The following USP13 variants were observed in gnomAD, a reference collection of about 807,000 sequenced individuals.
USP13 encodes ubiquitin carboxyl-terminal hydrolase 13.
Under a neutral mutation model 107.8 loss-of-function variants are expected in USP13, and 68 were observed. That is an observed-to-expected ratio of 0.63 (90% CI 0.52 to 0.77). USP13 has a LOEUF of 0.77. USP13 is among the 30% of genes least tolerant of loss of function. USP13 has a pLI of 0.00. For missense variants in USP13, 945 were observed against 1,093.3 expected, an observed-to-expected ratio of 0.86 and a Z score of 1.91; for synonymous variants, 377 against 389.5, an observed-to-expected ratio of 0.97 and a Z score of 0.38.
chr3:179,710,457 C>T (rs917414867), intron 6 of USP13, among the ~76,000 whole-genome samples: 17 of 152,178 alleles, frequency 1.1e-4, no homozygotes, highest in Non-Finnish European at 1.8e-4. Flanking sequence ...AAATTCAGTT[C>T]TCAGAACAGC....
At chr3:179,743,409 A>G (rs1714274132) in intron 12 of USP13, among the ~76,000 whole-genome samples, 1 of 151,788 alleles carries the variant, frequency 6.6e-6, no homozygotes, top group South Asian at 2.1e-4. Context: ...TAAAGAAAAA[A>G]AAATTCAGCG....
At chr3:179,774,704 A>T (rs888402733) in intron 19 of USP13, among the ~76,000 whole-genome samples, 1 of 152,166 alleles carries the variant, frequency 6.6e-6, no homozygotes, top group Non-Finnish European at 1.5e-5. Context: ...CACAGTTTGG[A>T]AGGGGACCCA....
rs114012075 is a variant in USP13, at chr3:179,784,288, C to T, written c.*147C>T. ...ATTTAAAGAGCACGATCAGTTGACACCTTCTGAAATAGAACTGAGAAGAAA... is the reference window on the plus strand; with the variant it reads ...ATTTAAAGAGCACGATCAGTTGACATCTTCTGAAATAGAACTGAGAAGAAA... On this transcript the variant is annotated 3_prime_UTR_variant, in exon 21 of 21. Transcript: ENST00000263966. 6.8e-5 allele frequency: 41 copies of T among 599,180 alleles called. No individual in the cohort carries two copies. In the African/African-American group the frequency reaches 6.9e-4, roughly 10 times the overall value. 37.1% of individuals were successfully genotyped at this position (599,180 alleles called of 1,614,324 possible). A position where few individuals can be genotyped will look rare whatever the true frequency, so the allele number is the denominator to read the frequency against.
At chr3:179,672,279 T>C (rs1323166790) in intron 1 of USP13, among the ~76,000 whole-genome samples, 2 of 152,218 alleles carry the variant, frequency 1.3e-5, no homozygotes, top group East Asian at 3.8e-4. Flanking sequence ...CAATACAAAG[T>C]AGCAAATGAA....
At chr3:179,747,012 A>G (rs1019070971) in intron 13 of USP13, among the ~76,000 whole-genome samples, 14 of 152,260 alleles carry the variant, frequency 9.2e-5, no homozygotes, top group Non-Finnish European at 1.5e-4. Context: ...AATTATTTTT[A>G]AAAAGCTCCC....
At chr3:179,732,150 G>T (rs1713830475) in intron 10 of USP13, among the ~76,000 whole-genome samples, 1 of 152,168 alleles carries the variant, frequency 6.6e-6, no homozygotes, top group Non-Finnish European at 1.5e-5. Flanking sequence ...TTCTCAAGTT[G>T]CATTGTTACC....
At chr3:179,781,531 A>G (rs537336192) in intron 19 of USP13, among the ~76,000 whole-genome samples, 3 of 123,934 alleles carry the variant, frequency 2.4e-5, no homozygotes, top group East Asian at 4.1e-4. Flanking sequence ...TTGATAATTT[A>G]TGTCCTATTT....
rs370351919 is a variant in USP13 at position 179,708,987 on chromosome 3, A to G, written c.805+30A>G. ...GTGCGCCTTTACCGACTTTGGGAAC[A>G]TGCAGTGGCTTCCTCTTAGATTTAA... is the stretch of plus-strand genomic sequence containing the variant. On this transcript the variant is annotated intron_variant, in intron 6 of 20. Coordinates refer to ENST00000263966, the MANE Select transcript of USP13 (RefSeq NM_003940.3). The G allele has an allele frequency of 7.5e-6, 12 of 1,604,164 alleles. No individual in the cohort carries two copies. The African/African-American group carries it at 1.5e-4, about 20-fold the overall frequency.
intron 1 of USP13, among the ~76,000 whole-genome samples, chr3:179,658,667 G>A (rs1720362514): frequency 6.6e-6 from 1 of 152,200 alleles, no homozygotes; most frequent in African/African-American, 2.4e-5. Context: ...AACCTCACTG[G>A]GGACTCCTTG....
intron 1 of USP13, among the ~76,000 whole-genome samples, chr3:179,673,252 G>A (rs572473491): frequency 6.6e-6 from 1 of 152,256 alleles, no homozygotes; most frequent in East Asian, 1.9e-4. Flanking sequence ...CAGATCAGAA[G>A]GGCACTGAGG....
rs1231948936 is a variant in USP13, at chr3:179,721,114, T to C, written c.901-288T>C. On this transcript the variant is annotated intron_variant, in intron 7 of 20. Transcript: ENST00000263966. This position sits in a 1 kb window ranked among gnomAD's most constrained non-coding sequence, Gnocchi z 4.3. ...GTGAACCGCTGCGCCCGGCCTCTCT[T>C]TAAAATCTTTTTCATGTGTGTTTTA... 6.6e-6 allele frequency among the ~76,000 whole-genome samples: 1 copy of C among 152,060 alleles called. No homozygotes were observed. The highest frequency in any genetic ancestry group is 2.4e-5 in the African/African-American group (1 of 41,428).
intron 19 of USP13, among the ~76,000 whole-genome samples, chr3:179,779,766 A>G (rs1461965968): frequency 6.6e-6 from 1 of 151,570 alleles, no homozygotes; most frequent in Non-Finnish European, 1.5e-5. Flanking sequence ...AAAAAAAACC[A>G]CTCTGGCAGC....
chr3:179,708,929 A>G lies in USP13; in HGVS notation c.777A>G (p.Lys259=). ...YRDMGYPLAV[K]LGTITPDGAD... ...ACATGGGCTACCCACTAGCCGTGAA[A>G]CTGGGAACCATCACTCCTGACGGGG... is the stretch of plus-strand genomic sequence containing the variant. The change falls in exon 6 of 21, where the codon AAA becomes AAG. Residue 259 remains lysine (K), a synonymous_variant. Coordinates refer to ENST00000263966, the MANE Select transcript of USP13 (RefSeq NM_003940.3). 1.2e-6 allele frequency: 2 copies of G among 1,614,102 alleles called. No individual in the cohort carries two copies. The highest frequency in any genetic ancestry group is 1.7e-6 in the Non-Finnish European group (2 of 1,180,028).
chr3:179,714,305 A>G (rs1370309052), intron 6 of USP13, among the ~76,000 whole-genome samples: 2 of 152,114 alleles, frequency 1.3e-5, no homozygotes, highest in African/African-American at 4.8e-5. Flanking sequence ...TTCTTTGGTC[A>G]TCTTTACCCC....
intron 10 of USP13, among the ~76,000 whole-genome samples, chr3:179,736,484 G>A (rs754909438): frequency 1.4e-4 from 22 of 152,174 alleles, no homozygotes; most frequent in Non-Finnish European, 2.2e-4. Flanking sequence ...AAGTAGATGA[G>A]TTTGAGCTAA....
At chr3:179,716,011 G>A (rs1486946483) in intron 6 of USP13, among the ~76,000 whole-genome samples, 1 of 151,930 alleles carries the variant, frequency 6.6e-6, no homozygotes, top group Non-Finnish European at 1.5e-5. Flanking sequence ...AGCAACCTCC[G>A]CCTCCCAGGT....
At position 179,765,766 on chromosome 3, in the gene USP13, G is replaced by A. The variant is rs575747946; in HGVS notation, c.2331G>A (p.Val777=). 3.1e-6 allele frequency: 5 copies of A among 1,614,182 alleles called. No homozygotes were observed. In the South Asian group the frequency reaches 4.4e-5, roughly 14 times the overall value. The change falls in exon 19 of 21, where the codon GTG becomes GTA. Residue 777 remains valine (V), a synonymous_variant. Coordinates refer to ENST00000263966, the MANE Select transcript of USP13 (RefSeq NM_003940.3). ...AGTTTGAAGAAGACAGTGATTTTGT[G>A]ATTGAGATGGAGAATAATGCCAATG... The part of the protein sequence containing the change: ...HPEFEEDSDF[V]IEMENNANAN...
At position 179,730,539 on chromosome 3, in the gene USP13, A is replaced by G. The variant is rs529482696; in HGVS notation, c.1161-77A>G. On this transcript the variant is annotated intron_variant, in intron 9 of 20. Transcript: ENST00000263966. The stretch of plus-strand genomic sequence containing the variant: ...CACCTAACAGCAGTTGTACTTATTG[A>G]TATTCATAGATAAATTTAATATTAC... 109 of 1,200,504 alleles carry G rather than the reference A, an allele frequency of 9.1e-5. 1 individual carries two copies. In the South Asian group the frequency reaches 1.2e-3, roughly 13 times the overall value. The allele number at this position is 1,200,504 out of a possible 1,614,324, so 74.4% of individuals were successfully genotyped here. A position where few individuals can be genotyped will look rare whatever the true frequency, so the allele number is the denominator to read the frequency against.
At chr3:179,761,664 G>A (rs1470278759) in intron 17 of USP13, among the ~76,000 whole-genome samples, 1 of 152,182 alleles carries the variant, frequency 6.6e-6, no homozygotes, top group East Asian at 1.9e-4. Flanking sequence ...GGAGGCTGCA[G>A]TGAGCCAAGA....
Sources: allele counts gnomAD v4.1 joint callset (sites outside exome capture counted in the v4.1 genomes callset), GRCh38; gene constraint gnomAD v4.1.1; non-coding constraint Gnocchi (gnomAD v3.1); transcripts MANE v1.5; gene names NCBI Gene and HGNC (gene_info 2026-07-23, HGNC 2026-07-21).